The following DYNC1LI1 variants were observed in gnomAD, a reference collection of about 807,000 sequenced individuals.
DYNC1LI1 encodes cytoplasmic dynein 1 light intermediate chain 1.
DYNC1LI1 carries 19 observed loss-of-function variants against 63.8 expected under a neutral mutation model. The observed-to-expected ratio is 0.30, with a 90% CI of 0.21 to 0.44. The LOEUF (loss-of-function observed/expected upper bound fraction) is 0.44. DYNC1LI1 is among the 20% of genes least tolerant of loss of function. The pLI is 1.00. For missense variants in DYNC1LI1, 565 were observed against 630.2 expected (o/e 0.90, Z 1.11); for synonymous variants, 225 against 232.3 (o/e 0.97, Z 0.28).
chr3:32,545,778 T>C (rs1334018800), intron 3 of DYNC1LI1, 71 bp downstream of exon 3: 19 of 1,046,030 alleles, frequency 1.8e-5, no homozygotes, highest in Admixed American at 7.9e-5. Flanking sequence ...CTAAAAAAAA[T>C]CAAAGACTAA....
intron 12 of DYNC1LI1, among the ~76,000 whole-genome samples, chr3:32,528,112 C>CAAAAAAAAAAAAAAAAA (rs60912161): frequency 1.3e-4 from 4 of 29,902 alleles, no homozygotes; most frequent in Non-Finnish European, 3.0e-4. Flanking sequence ...GACTCCATCT[C>CAAAAAAAAAAAAAAAAA]AAAAAAAAAA....
At chr3:32,548,038 G>A (rs77453047) in intron 2 of DYNC1LI1, among the ~76,000 whole-genome samples, 3 of 151,630 alleles carry the variant, frequency 2.0e-5, no homozygotes, top group Middle Eastern at 3.2e-3. Flanking sequence ...ACACATACTC[G>A]CAATGCAATA....
At chr3:32,527,027 G>A (rs1031420217) in intron 12 of DYNC1LI1, 119 bp from the exon 13 acceptor site, 2 of 665,098 alleles carry the variant, frequency 3.0e-6, no homozygotes, top group African/African-American at 1.8e-5. Context: ...AGCACACTAA[G>A]TTATACAAAC....
intron 7 of DYNC1LI1, 142 bp from the exon 8 acceptor site, chr3:32,533,239 C>A: frequency 7.6e-7 from 1 of 1,308,112 alleles, no homozygotes. Flanking sequence ...TTATGATGTC[C>A]ACGTTTTACT....
At position 32,545,039 on chromosome 3, in the gene DYNC1LI1, T is replaced by G; in HGVS notation, c.405A>C (p.Ser135=). 6.2e-7 allele frequency: 1 copy of G among 1,614,022 alleles called. No individual in the cohort carries two copies. Among genetic ancestry groups the G allele is most frequent in the Non-Finnish European group, 8.5e-7 (1 of 1,179,966 alleles). Residue 135 remains serine, a synonymous_variant, in exon 4 of 13, where the codon TCA becomes TCC. Transcript: ENST00000273130. ...TATCCTTCAGAGATACGGCATCCAGTGAAAATTTAAGGAGGCCTTTGTGAT... is the reference window on the plus strand; with the variant it reads ...TATCCTTCAGAGATACGGCATCCAGGGAAAATTTAAGGAGGCCTTTGTGAT... ...DLYHKGLLKF[S]LDAVSLKDTL... is the part of the protein sequence containing the mutation.
intron 2 of DYNC1LI1, among the ~76,000 whole-genome samples, chr3:32,548,718 T>C (rs9863690): frequency 0.011 from 1,665 of 152,286 alleles, 23 homozygotes; most frequent in African/African-American, 0.038. Flanking sequence ...TATGCTGTAC[T>C]GAAAAATGCC....
Position 32,556,158 on chromosome 3 carries a change from T to C in DYNC1LI1, c.221-10193A>G, listed in dbSNP as rs111963794. The stretch of plus-strand genomic sequence containing the variant: ...TCTCCCAACTCTACACCTTCACATA[T>C]GCCATCACTTCTCTCTGGAACACTC... On this transcript the variant is annotated intron_variant, in intron 2 of 12. Transcript: ENST00000273130. Among the ~76,000 whole-genome samples the C allele has an allele frequency of 7.5e-4, 114 of 152,312 alleles. 1 individual carries two copies. Among genetic ancestry groups the C allele is most frequent in the African/African-American group, 2.7e-3 (111 of 41,562 alleles).
Position 32,570,854 on chromosome 3 carries a change from G to C in DYNC1LI1, c.-84C>G. The stretch of plus-strand genomic sequence containing the variant: ...TGGCGGTGGAGGCGGCGGGAACCCG[G>C]ATATGGGGCGTTCAGCGCACGGGAG... On this transcript the variant is annotated 5_prime_UTR_variant, in exon 1 of 13. It adds an upstream start codon to the 5' untranslated region. Transcript: ENST00000273130. 1 of 1,482,430 alleles carries C rather than the reference G, an allele frequency of 6.7e-7. No homozygotes were observed. Among genetic ancestry groups the C allele is most frequent in the Non-Finnish European group, 9.0e-7 (1 of 1,107,896 alleles). The allele number at this position is 1,482,430 out of a possible 1,614,324, so 91.8% of individuals were successfully genotyped here.
At chr3:32,533,566 CTTTTTTT>C (rs374520445) in intron 7 of DYNC1LI1, among the ~76,000 whole-genome samples, 1 of 139,648 alleles carries the variant, frequency 7.2e-6, no homozygotes, top group Non-Finnish European at 1.6e-5. Context: ...ATACGGTTAC[CTTTTTTT>C]TTTTTTTTTT....
chr3:32,526,613 T>C lies in DYNC1LI1; in HGVS notation c.*186A>G, dbSNP rs533276532. 2.8e-4 allele frequency: 129 copies of C among 465,884 alleles called. 1 individual carries two copies. Among genetic ancestry groups the C allele is most frequent in the African/African-American group, 2.2e-3 (116 of 51,688 alleles). The allele number at this position is 465,884 out of a possible 1,614,324, so 28.9% of individuals were successfully genotyped here. A position where few individuals can be genotyped will look rare whatever the true frequency, so the allele number is the denominator to read the frequency against. The stretch of plus-strand genomic sequence containing the variant: ...AACAGCAATCCTACATAATGTAGAA[T>C]AATTTTTCTTCTGTACGGCTCCTTC... On this transcript the variant is annotated 3_prime_UTR_variant, in exon 13 of 13. Coordinates refer to ENST00000273130, the MANE Select transcript of DYNC1LI1 (RefSeq NM_016141.4).
Position 32,546,080 on chromosome 3 carries a change from T to C in DYNC1LI1, c.221-115A>G, listed in dbSNP as rs945013834. ...AACTAGCTTCAACCAAAAAGGCAAT[T>C]TGATGAAATATAATGGAGCAGCTAC... On this transcript the variant is annotated intron_variant, in intron 2 of 12. Transcript: ENST00000273130. 3.2e-5 allele frequency: 21 copies of C among 663,938 alleles called. No individual in the cohort carries two copies. The Admixed American group carries it at 5.3e-4, about 17-fold the overall frequency. 41.1% of individuals were successfully genotyped at this position (663,938 alleles called of 1,614,324 possible).
intron 8 of DYNC1LI1, chr3:32,530,893 A>C: frequency 6.0e-6 from 1 of 167,116 alleles, no homozygotes; most frequent in East Asian, 1.7e-4. Flanking sequence ...CTAGAGTCAC[A>C]AGCATATTAA....
At chr3:32,555,744 T>C (rs1286591978) in intron 2 of DYNC1LI1, among the ~76,000 whole-genome samples, 2 of 152,258 alleles carry the variant, frequency 1.3e-5, no homozygotes, top group South Asian at 2.1e-4. Context: ...TAGTTAATGA[T>C]ACACTTGCTG....
rs770731383 is a variant in DYNC1LI1 at position 32,529,680 on chromosome 3, T to TAC, written c.1186-22_1186-21dup. 5 of 1,560,782 alleles carry TAC rather than the reference T, an allele frequency of 3.2e-6. No individual in the cohort carries two copies. In the Admixed American group the frequency reaches 8.0e-5, roughly 25 times the overall value. Reference sequence around the variant, plus strand: ...GGCATCCTATGTAAAAATAGGAAAATACAATTATAAAAACCTGAAACTTTC... The same window carrying TAC: ...GGCATCCTATGTAAAAATAGGAAAATACACAATTATAAAAACCTGAAACTTTC... On this transcript the variant is annotated intron_variant, in intron 10 of 12. Transcript: ENST00000273130.
chr3:32,528,634 C>T (rs776402168), intron 11 of DYNC1LI1, 33 bp from the exon 12 acceptor site: 3 of 1,570,866 alleles, frequency 1.9e-6, no homozygotes, highest in South Asian at 2.4e-5. Context: ...AAAGCTTTAG[C>T]CAAAACATAA....
At position 32,528,593 on chromosome 3, in the gene DYNC1LI1, T is replaced by A. The variant is rs1559433124; in HGVS notation, c.1315A>T (p.Thr439Ser). ...KIDPNMKAGA[T>S]SEGVLANFFN... ...AAATTTGCCAGAACGCCTTCACTTGTAGCTCCAGCTATAAAAAAATAAAAA... is the reference window on the plus strand; with the variant it reads ...AAATTTGCCAGAACGCCTTCACTTGAAGCTCCAGCTATAAAAAAATAAAAA... The change falls in exon 12 of 13, where the codon ACA (threonine) becomes TCA (serine). Residue 439 changes from threonine to serine, a missense_variant. Physicochemically the swap from Thr to Ser is moderately conservative, Grantham distance 58. Transcript: ENST00000273130. 6.3e-7 allele frequency: 1 copy of A among 1,592,646 alleles called. No homozygotes were observed.
At chr3:32,549,006 T>C (rs973019448) in intron 2 of DYNC1LI1, among the ~76,000 whole-genome samples, 1 of 152,130 alleles carries the variant, frequency 6.6e-6, no homozygotes, top group Non-Finnish European at 1.5e-5. Context: ...CCCATAATGA[T>C]CATGTTTAAA....
At chr3:32,557,492 A>G (rs1242550717) in intron 2 of DYNC1LI1, among the ~76,000 whole-genome samples, 1 of 152,146 alleles carries the variant, frequency 6.6e-6, no homozygotes, top group African/African-American at 2.4e-5. Flanking sequence ...ACTGCACTCC[A>G]GCCTGGGCAA....
intron 4 of DYNC1LI1, among the ~76,000 whole-genome samples, chr3:32,543,455 A>C (rs1697909861): frequency 6.9e-6 from 1 of 144,700 alleles, no homozygotes; most frequent in Non-Finnish European, 1.5e-5. Context: ...GCTGGAGTAC[A>C]GTGGCGCAAT....
Sources: allele counts gnomAD v4.1 joint callset (sites outside exome capture counted in the v4.1 genomes callset), GRCh38; gene constraint gnomAD v4.1.1; transcripts MANE v1.5; gene names NCBI Gene and HGNC (gene_info 2026-07-23, HGNC 2026-07-21).